Variants in RGMA observed in about 807,000 individuals in gnomAD.
RGMA encodes repulsive guidance molecule A.
RGMA carries 10 observed loss-of-function variants against 23.2 expected under a neutral mutation model. The ratio of observed to expected loss-of-function variants is 0.43; its 90% confidence interval spans 0.27 to 0.73. RGMA has a LOEUF of 0.73. RGMA is among the 30% of genes least tolerant of loss of function. The pLI, the probability that RGMA is intolerant of heterozygous loss-of-function variation, is 0.20. For missense variants in RGMA, 547 were observed against 630.5 expected, an observed-to-expected ratio of 0.87 and a Z score of 1.42; for synonymous variants, 308 against 279.3, an observed-to-expected ratio of 1.10 and a Z score of -1.03.
chr15:93,052,018 C>G lies in RGMA; in HGVS notation c.620G>C (p.Gly207Ala). The G allele has an allele frequency of 6.2e-7, 1 of 1,607,516 alleles. No homozygotes were observed. Among genetic ancestry groups the G allele is most frequent in the South Asian group, 1.1e-5 (1 of 90,176 alleles). Residue 207 changes from glycine to alanine, a missense_variant, in exon 3 of 4, where the codon GGC (glycine) becomes GCC (alanine). Physicochemically the swap from Gly to Ala is moderately conservative, Grantham distance 60 (BLOSUM62 0). Transcript: ENST00000329082. Reference protein sequence around the residue: ...VQVTNTPVLPGSAATATSKLT... With the variant: ...VQVTNTPVLPASAATATSKLT... ...CTTGCTGGTGGCAGTGGCCGCTGAG[C>G]CGGGCAGCACAGGCGTGTTGGTGAC... is the stretch of plus-strand genomic sequence containing the variant.
chr15:93,049,267 G>A lies in RGMA; in HGVS notation c.645+2726C>T, dbSNP rs557626548. On this transcript the variant is annotated intron_variant, in intron 3 of 3. Transcript: ENST00000329082. ...ATGCCAGGCCTGGTGCTGGGGGCTC[G>A]GGGTACACGAGGGAGAAGATCCCTA... is the stretch of plus-strand genomic sequence containing the variant. Among the ~76,000 whole-genome samples, 186 of 152,214 alleles carry A rather than the reference G, an allele frequency of 1.2e-3. 1 individual carries two copies. The highest frequency in any genetic ancestry group is 1.7e-3 in the Non-Finnish European group (117 of 68,038).
In RGMA at chr15:93,039,431, C is replaced by G. The variant is rs138904680; in HGVS notation, c.*5567G>C. On this transcript the variant is annotated 3_prime_UTR_variant, in exon 4 of 4. Coordinates refer to ENST00000329082, the MANE Select transcript of RGMA (RefSeq NM_020211.3). Reference sequence around the variant, plus strand: ...ATTATACTTTCAGTTATGGGGTACACGTGCAGAACGCACAAGTTTGTTACA... The same window carrying G: ...ATTATACTTTCAGTTATGGGGTACAGGTGCAGAACGCACAAGTTTGTTACA... 1 of 152,158 alleles carries G rather than the reference C, an allele frequency of 6.6e-6. No individual in the cohort carries two copies. The highest frequency in any genetic ancestry group is 1.5e-5 in the Non-Finnish European group (1 of 68,032). The allele number at this position is 152,158 out of a possible 1,614,324, so 9.4% of individuals were successfully genotyped here. A position where few individuals can be genotyped will look rare whatever the true frequency, so the allele number is the denominator to read the frequency against.
chr15:93,047,327 A>T (rs2054839863), intron 3 of RGMA, among the ~76,000 whole-genome samples: 1 of 152,064 alleles, frequency 6.6e-6, no homozygotes, highest in Non-Finnish European at 1.5e-5. Flanking sequence ...CTCCTTTCCC[A>T]GGTGTCAGCT....
At chr15:93,077,652 A>G (rs1388330771) in intron 1 of RGMA, among the ~76,000 whole-genome samples, 9 of 152,346 alleles carry the variant, frequency 5.9e-5, no homozygotes, top group East Asian at 3.9e-4. Flanking sequence ...TAGGGCAGCA[A>G]TCTTGTGCGA....
intron 2 of RGMA, among the ~76,000 whole-genome samples, chr15:93,060,787 G>A (rs1314170416): frequency 3.9e-5 from 6 of 152,238 alleles, no homozygotes; most frequent in Non-Finnish European, 8.8e-5. Context: ...ACATCTCCCT[G>A]CAGCACTCCT....
rs1209696178 is a variant in RGMA at position 93,037,930 on chromosome 15, C to G, written c.*7068G>C. The G allele has an allele frequency of 6.6e-6, 1 of 152,310 alleles. No homozygotes were observed. Among genetic ancestry groups the G allele is most frequent in the Non-Finnish European group, 1.5e-5 (1 of 68,098 alleles). 9.4% of individuals were successfully genotyped at this position (152,310 alleles called of 1,614,324 possible). A position where few individuals can be genotyped will look rare whatever the true frequency, so the allele number is the denominator to read the frequency against. ...TCACAGCCCTCATTCCGGAACGCCA[C>G]TGACATTACGAGCGTGCCTTGCACA... is the stretch of plus-strand genomic sequence containing the variant. On this transcript the variant is annotated 3_prime_UTR_variant, in exon 4 of 4. Transcript: ENST00000329082. This position sits in a 1 kb window ranked among gnomAD's most constrained non-coding sequence, Gnocchi z 4.3.
chr15:93,072,635 T>C (rs992953592), intron 2 of RGMA, among the ~76,000 whole-genome samples: 10 of 152,162 alleles, frequency 6.6e-5, no homozygotes, highest in Admixed American at 3.9e-4. Context: ...CCACCCCCTT[T>C]CTCGGAAAAA....
intron 2 of RGMA, among the ~76,000 whole-genome samples, chr15:93,052,947 C>A (rs1383262836): frequency 2.6e-5 from 4 of 152,166 alleles, no homozygotes; most frequent in African/African-American, 9.7e-5. Context: ...ATTGTATGAC[C>A]TTATACAAAT....
At chr15:93,054,768 G>T (rs2054986558) in intron 2 of RGMA, among the ~76,000 whole-genome samples, 1 of 152,188 alleles carries the variant, frequency 6.6e-6, no homozygotes, top group Non-Finnish European at 1.5e-5. Context: ...CCCCCATGTA[G>T]TCTTCCTCCT....
rs1322017135 is a variant in RGMA, at chr15:93,035,993, C to T, written c.*9005G>A. 1 of 152,284 alleles carries T rather than the reference C, an allele frequency of 6.6e-6. No homozygotes were observed. Among genetic ancestry groups the T allele is most frequent in the African/African-American group, 2.4e-5 (1 of 41,458 alleles). The allele number at this position is 152,284 out of a possible 1,614,324, so 9.4% of individuals were successfully genotyped here. A position where few individuals can be genotyped will look rare whatever the true frequency, so the allele number is the denominator to read the frequency against. On this transcript the variant is annotated 3_prime_UTR_variant, in exon 4 of 4. Transcript: ENST00000329082. Reference sequence around the variant, plus strand: ...CCGCTTCCTTCTGCCACCCGCATCCCCTTCCCTGATGGGCTGGTCACCGTG... The same window carrying T: ...CCGCTTCCTTCTGCCACCCGCATCCTCTTCCCTGATGGGCTGGTCACCGTG...
At chr15:93,063,875 AACTC>A (rs1352856925) in intron 2 of RGMA, among the ~76,000 whole-genome samples, 1 of 152,138 alleles carries the variant, frequency 6.6e-6, no homozygotes, top group Non-Finnish European at 1.5e-5. Context: ...GTGGAGGGGT[AACTC>A]ACAGCCACGT....
chr15:93,073,148 G>C, intron 1 of RGMA, 117 bp from the exon 2 acceptor site: 1 of 1,244,338 alleles, frequency 8.0e-7, no homozygotes, highest in East Asian at 3.4e-5. Context: ...GGCCGCGGGC[G>C]CCCGGCGCGC....
At chr15:93,053,515 C>T (rs530271918) in intron 2 of RGMA, among the ~76,000 whole-genome samples, 1 of 152,356 alleles carries the variant, frequency 6.6e-6, no homozygotes, top group South Asian at 2.1e-4. Flanking sequence ...TTGTCTGGGC[C>T]ACTAACTTGG....
rs16947397 is a variant in RGMA, at chr15:93,059,004, T to C, written c.131-6497A>G. ...GTGCAGGTGACACATTGCTTTCCTGTTGGATCCTCGCTACTGCCGATTAGA... is the reference window on the plus strand; with the variant it reads ...GTGCAGGTGACACATTGCTTTCCTGCTGGATCCTCGCTACTGCCGATTAGA... On this transcript the variant is annotated intron_variant, in intron 2 of 3. Transcript: ENST00000329082. Among the ~76,000 whole-genome samples, 529 of 119,422 alleles carry C rather than the reference T, an allele frequency of 4.4e-3. 3 individuals carry two copies. The highest frequency in any genetic ancestry group is 0.016 in the African/African-American group (499 of 31,350). The allele number at this position is 119,422 out of a possible 152,430, so 78.3% of individuals were successfully genotyped here.
chr15:93,047,505 C>T (rs1424970792), intron 3 of RGMA, among the ~76,000 whole-genome samples: 2 of 152,176 alleles, frequency 1.3e-5, no homozygotes, highest in African/African-American at 4.8e-5. Context: ...CTGCACTACC[C>T]TCTCCCAGGC....
intron 1 of RGMA, 150 bp downstream of exon 1, chr15:93,088,769 G>C (rs1895684934): frequency 9.8e-6 from 8 of 812,548 alleles, no homozygotes; most frequent in Non-Finnish European, 1.5e-5. Flanking sequence ...AAGCGATAGA[G>C]GCGCAGCAAA....
intron 2 of RGMA, among the ~76,000 whole-genome samples, chr15:93,059,069 G>A (rs2055060615): frequency 6.6e-6 from 1 of 152,152 alleles, no homozygotes; most frequent in South Asian, 2.1e-4. Context: ...ATGCAAACAC[G>A]GAGGCTTCGG....
chr15:93,086,053 G>A lies in RGMA; in HGVS notation c.14+2866C>T, dbSNP rs150288693. ...CTCAAAATAAGAAAAAGAGGAGCCT[G>A]TCTTTTGGATAGGCTGGATACCAAA... On this transcript the variant is annotated intron_variant, in intron 1 of 3. Coordinates refer to ENST00000329082, the MANE Select transcript of RGMA (RefSeq NM_020211.3). Among the ~76,000 whole-genome samples the A allele has an allele frequency of 2.6e-3, 391 of 152,318 alleles. 3 individuals are homozygous for A. The highest frequency in any genetic ancestry group is 8.9e-3 in the African/African-American group (370 of 41,568).
Position 93,040,387 on chromosome 15 carries a change from G to C in RGMA, c.*4611C>G, listed in dbSNP as rs780594952. 6.6e-6 allele frequency: 1 copy of C among 152,570 alleles called. No individual in the cohort carries two copies. The highest frequency in any genetic ancestry group is 1.5e-5 in the Non-Finnish European group (1 of 68,356). The allele number at this position is 152,570 out of a possible 1,614,324, so 9.5% of individuals were successfully genotyped here. A position where few individuals can be genotyped will look rare whatever the true frequency, so the allele number is the denominator to read the frequency against. On this transcript the variant is annotated 3_prime_UTR_variant, in exon 4 of 4. Transcript: ENST00000329082. ...ACCCCTGGTCTGTCCACTTGCTACT[G>C]TCCAGTGACAGTGGCTTCCCACCAT...
Sources: allele counts gnomAD v4.1 joint callset (sites outside exome capture counted in the v4.1 genomes callset), GRCh38; gene constraint gnomAD v4.1.1; non-coding constraint Gnocchi (gnomAD v3.1); transcripts MANE v1.5; gene names NCBI Gene and HGNC (gene_info 2026-07-23, HGNC 2026-07-21).